The following GLIS3 variants were observed in gnomAD, a reference collection of about 807,000 sequenced individuals.
GLIS3 encodes GLIS family zinc finger 3.
A neutral mutation model predicts 78.6 loss-of-function variants in GLIS3; 53 were observed. The observed-to-expected ratio is 0.67, with a 90% CI of 0.54 to 0.85. The LOEUF (loss-of-function observed/expected upper bound fraction) is 0.85. Ranked by LOEUF, GLIS3 falls within the 40% of genes least tolerant of loss-of-function variation. The pLI, the probability that GLIS3 is intolerant of heterozygous loss-of-function variation, is 0.00. For missense variants in GLIS3, 1,703 were observed against 1,231.1 expected (o/e 1.38, Z -5.74); for synonymous variants, 684 against 509.9 (o/e 1.34, Z -4.60).
At chr9:4,010,706 A>G (rs565560969) in intron 4 of GLIS3, among the ~76,000 whole-genome samples, 3 of 152,280 alleles carry the variant, frequency 2.0e-5, no homozygotes, top group South Asian at 4.2e-4. Context: ...AATCTTCAGA[A>G]AGCCAGATAC....
chr9:4,425,033 T>G, the GLIS3 span, among the ~76,000 whole-genome samples: 30,804 of 152,000 alleles, frequency 0.2, 3,239 homozygotes, highest in South Asian at 0.24. Flanking sequence ...CCTTCCTCTG[T>G]GCTGGCATAT....
the GLIS3 span, among the ~76,000 whole-genome samples, chr9:4,412,728 G>A: frequency 6.6e-6 from 1 of 152,240 alleles, no homozygotes; most frequent in African/African-American, 2.4e-5. Flanking sequence ...ACATTTCCCA[G>A]ACTCCCTTCC....
In GLIS3 at chr9:4,286,043, C is replaced by G. The variant is rs746719414; in HGVS notation, c.383G>C (p.Gly128Ala). ...EFGSPFPPNP[G>A]KGALGFGPQC... ...TTCCAGAAAGACAATCCTACCTTTC[C>G]CAGGATTTGGAGGAAAAGGGCTTCC... Residue 128 changes from glycine (G) to alanine (A), a missense_variant, in exon 2 of 11, where the codon GGG becomes GCG. By Grantham distance (60) the Gly-to-Ala change is moderately conservative. Coordinates refer to ENST00000381971, the MANE Select transcript of GLIS3 (RefSeq NM_001042413.2). 6.2e-7 allele frequency: 1 copy of G among 1,614,026 alleles called. No homozygotes were observed.
intron 1 of GLIS3, among the ~76,000 whole-genome samples, chr9:4,287,965 T>C (rs1356932730): frequency 6.6e-6 from 1 of 152,218 alleles, no homozygotes; most frequent in Non-Finnish European, 1.5e-5. Context: ...GCCATCAGTT[T>C]GTGACATTTA....
chr9:4,127,150 G>A (rs147043339), intron 2 of GLIS3, among the ~76,000 whole-genome samples: 38 of 152,270 alleles, frequency 2.5e-4, no homozygotes, highest in African/African-American at 8.4e-4. Flanking sequence ...GGGAGTCACA[G>A]CATCATTAGC....
At chr9:4,260,300 C>T (rs1321103081) in intron 2 of GLIS3, among the ~76,000 whole-genome samples, 1 of 152,162 alleles carries the variant, frequency 6.6e-6, no homozygotes, top group Non-Finnish European at 1.5e-5. Flanking sequence ...GGCACAGTGG[C>T]TCACACCTGT....
rs1370979538 is a variant in GLIS3, at chr9:4,117,798, G to T, written c.1680C>A (p.Val560=). 6.2e-7 allele frequency: 1 copy of T among 1,614,162 alleles called. No homozygotes were observed. Among genetic ancestry groups the T allele is most frequent in the African/African-American group, 1.3e-5 (1 of 75,024 alleles). Residue 560 remains valine (V), a synonymous_variant, in exon 4 of 11, where the codon GTC becomes GTA. Coordinates refer to ENST00000381971, the MANE Select transcript of GLIS3 (RefSeq NM_001042413.2). ...ARYKLLIHMR[V]HSGEKPNKCT... ...ACTTGTTGGGCTTCTCCCCAGAGTG[G>T]ACTCTCATGTGGATCAGCAGTTTAT...
intron 10 of GLIS3, 48 bp from the exon 11 acceptor site, chr9:3,828,456 A>C (rs774615723): frequency 7.5e-6 from 12 of 1,608,564 alleles, no homozygotes; most frequent in Non-Finnish European, 1.0e-5. Flanking sequence ...GCCCCATGCC[A>C]CGCCCACTGG....
intron 2 of GLIS3, among the ~76,000 whole-genome samples, chr9:4,216,877 A>C (rs1820901710): frequency 6.6e-6 from 1 of 152,218 alleles, no homozygotes; most frequent in Admixed American, 6.5e-5. Context: ...TAAAAATCAA[A>C]ACCCCTCCTC....
At chr9:4,179,103 A>T (rs1359788171) in intron 2 of GLIS3, among the ~76,000 whole-genome samples, 1 of 152,228 alleles carries the variant, frequency 6.6e-6, no homozygotes, top group East Asian at 1.9e-4. Context: ...CACCTTGGAC[A>T]TTGTTTCGCC....
intron 9 of GLIS3, among the ~76,000 whole-genome samples, chr9:3,830,579 T>A (rs1817987701): frequency 6.6e-6 from 1 of 152,228 alleles, no homozygotes; most frequent in African/African-American, 2.4e-5. Context: ...TGTCAGTTAT[T>A]ATTGATATCA....
intron 2 of GLIS3, among the ~76,000 whole-genome samples, chr9:4,338,028 G>GTA (rs1189113453): frequency 1.7e-5 from 1 of 60,414 alleles, no homozygotes; most frequent in African/African-American, 5.5e-5. Flanking sequence ...GCAAGGCTGT[G>GTA]TGTGTGTGTG....
At chr9:4,391,257 C>A in the GLIS3 span, among the ~76,000 whole-genome samples, 330 of 152,286 alleles carry the variant, frequency 2.2e-3, 1 homozygote, top group African/African-American at 7.6e-3. Flanking sequence ...ACCTCACCTC[C>A]AGAAGAGCCT....
At chr9:4,058,405 CTT>C (rs1826323456) in intron 4 of GLIS3, among the ~76,000 whole-genome samples, 1 of 151,808 alleles carries the variant, frequency 6.6e-6, no homozygotes, top group Non-Finnish European at 1.5e-5. Flanking sequence ...CTACTGATCT[CTT>C]TGACTTTCCA....
chr9:4,314,570 G>T (rs761382029), intron 2 of GLIS3, among the ~76,000 whole-genome samples: 1 of 152,234 alleles, frequency 6.6e-6, no homozygotes, highest in Non-Finnish European at 1.5e-5. Flanking sequence ...GTCACTCACA[G>T]TGCAGGGTAA....
intron 2 of GLIS3, among the ~76,000 whole-genome samples, chr9:4,148,957 CTGTT>C (rs1404753867): frequency 1.3e-5 from 2 of 152,022 alleles, no homozygotes; most frequent in Non-Finnish European, 2.9e-5. Context: ...CTTTTCCAAA[CTGTT>C]TGACTTCTCA....
rs1299497589 is a variant in GLIS3, at chr9:4,286,369, C to A, written c.57G>T (p.Gly19=). 1 of 1,614,152 alleles carries A rather than the reference C, an allele frequency of 6.2e-7. No homozygotes were observed. Among genetic ancestry groups the A allele is most frequent in the Admixed American group, 1.7e-5 (1 of 60,030 alleles). The change falls in exon 2 of 11, where the codon GGG becomes GGT. Residue 19 remains glycine, a synonymous_variant. Coordinates refer to ENST00000381971, the MANE Select transcript of GLIS3 (RefSeq NM_001042413.2). ...TGTGATGACCACTGACCATCCTAGGCCCCTGTGGGGTTCCCGATGTCCGGT... is the reference window on the plus strand; with the variant it reads ...TGTGATGACCACTGACCATCCTAGGACCCTGTGGGGTTCCCGATGTCCGGT... ...SLHRTSGTPQ[G]PRMVSGHHIP...
At chr9:4,220,243 A>G (rs1163755629) in intron 2 of GLIS3, among the ~76,000 whole-genome samples, 1 of 152,260 alleles carries the variant, frequency 6.6e-6, no homozygotes, top group Non-Finnish European at 1.5e-5. Context: ...CAATAAATTT[A>G]GAAAGAATGA....
upstream of GLIS3, among the ~76,000 whole-genome samples, chr9:4,300,220 A>G (rs1298622626): frequency 1.3e-5 from 2 of 150,412 alleles, no homozygotes; most frequent in Non-Finnish European, 3.0e-5. Flanking sequence ...ACACACACAC[A>G]CACACACACA....
Sources: allele counts gnomAD v4.1 joint callset (sites outside exome capture counted in the v4.1 genomes callset), GRCh38; gene constraint gnomAD v4.1.1; transcripts MANE v1.5; gene names NCBI Gene and HGNC (gene_info 2026-07-23, HGNC 2026-07-21).